The following PTPRM variants were observed in gnomAD, a reference collection of about 807,000 sequenced individuals.
PTPRM encodes protein tyrosine phosphatase receptor type M.
In PTPRM, 47 loss-of-function variants were observed where a neutral mutation model predicts 186.7. The observed-to-expected ratio is 0.25, with a 90% CI of 0.20 to 0.32. PTPRM has a LOEUF of 0.32. Among genes scored for constraint, PTPRM ranks in the 10% least tolerant of loss-of-function variants. PTPRM has a pLI of 1.00. For synonymous variants in PTPRM, 668 were observed against 674.9 expected (o/e 0.99, Z 0.16); for missense variants, 1,494 against 1,865.0 (o/e 0.80, Z 3.66).
intron 7 of PTPRM, among the ~76,000 whole-genome samples, chr18:8,030,715 A>C (rs888808560): frequency 6.6e-6 from 1 of 152,250 alleles, no homozygotes; most frequent in Non-Finnish European, 1.5e-5. Context: ...AACTTTACAG[A>C]TAATCCAATG....
At chr18:7,600,754 C>G (rs1302357253) in intron 1 of PTPRM, among the ~76,000 whole-genome samples, 1 of 152,172 alleles carries the variant, frequency 6.6e-6, no homozygotes, top group Non-Finnish European at 1.5e-5. Flanking sequence ...GCTCTTGCTG[C>G]CTGCACCGGT....
chr18:7,788,783 A>G (rs1035984959), intron 2 of PTPRM, among the ~76,000 whole-genome samples: 10 of 152,230 alleles, frequency 6.6e-5, no homozygotes, highest in Non-Finnish European at 1.2e-4. Context: ...AGAATTTGCT[A>G]ATATTTGAAA....
At chr18:7,958,704 TC>T (rs1273904091) in intron 7 of PTPRM, among the ~76,000 whole-genome samples, 7 of 152,224 alleles carry the variant, frequency 4.6e-5, no homozygotes, top group Non-Finnish European at 1.0e-4. Context: ...CATTTTTATT[TC>T]ATCCTTGTCT....
intron 2 of PTPRM, among the ~76,000 whole-genome samples, chr18:7,822,962 A>G (rs1343951455): frequency 1.3e-5 from 2 of 152,064 alleles, no homozygotes; most frequent in East Asian, 3.9e-4. Flanking sequence ...GCAGTGTAGG[A>G]TGTTCAGCAG....
chr18:7,894,322 C>G (rs1036216028), intron 3 of PTPRM, among the ~76,000 whole-genome samples: 8 of 152,104 alleles, frequency 5.3e-5, no homozygotes, highest in Admixed American at 5.2e-4. Context: ...CATGGTGGCT[C>G]ACGCCTGTAA....
rs188811131 is a variant in PTPRM, at chr18:8,262,270, C to G, written c.2754+8856C>G. ...GTCTTCCTACCTAGTCTTTCCCCTTCAAATCTGTTCCAGACTCTGCAACCA... is the reference window on the plus strand; with the variant it reads ...GTCTTCCTACCTAGTCTTTCCCCTTGAAATCTGTTCCAGACTCTGCAACCA... On this transcript the variant is annotated intron_variant, in intron 19 of 32. Transcript: ENST00000580170. Among the ~76,000 whole-genome samples, 336 of 152,300 alleles carry G rather than the reference C, an allele frequency of 2.2e-3. 3 individuals carry two copies. Among genetic ancestry groups the G allele is most frequent in the African/African-American group, 7.8e-3 (323 of 41,564 alleles).
chr18:8,305,340 A>T (rs980894220), intron 20 of PTPRM, among the ~76,000 whole-genome samples: 2 of 152,236 alleles, frequency 1.3e-5, no homozygotes, highest in African/African-American at 4.8e-5. Flanking sequence ...GATGAAAATG[A>T]TCAGGTCTTG....
intron 14 of PTPRM, among the ~76,000 whole-genome samples, chr18:8,193,500 T>C (rs2093735110): frequency 6.6e-6 from 1 of 152,166 alleles, no homozygotes; most frequent in Non-Finnish European, 1.5e-5. Flanking sequence ...AGCATAAGGG[T>C]TTTCTTCCCC....
intron 7 of PTPRM, among the ~76,000 whole-genome samples, chr18:8,036,806 G>T (rs1236017329): frequency 6.6e-6 from 1 of 152,194 alleles, no homozygotes; most frequent in East Asian, 1.9e-4. Flanking sequence ...CACATGTAAT[G>T]TGGGTATATC....
chr18:8,395,726 C>T (rs969055677), intron 32 of PTPRM, among the ~76,000 whole-genome samples: 5 of 152,148 alleles, frequency 3.3e-5, no homozygotes, highest in African/African-American at 9.7e-5. Context: ...GACTGTGCTC[C>T]CCAGACTCCT....
intron 20 of PTPRM, among the ~76,000 whole-genome samples, chr18:8,309,490 A>G (rs544005044): frequency 6.6e-6 from 1 of 152,168 alleles, no homozygotes; most frequent in Admixed American, 6.5e-5. Context: ...GGTGAAGATG[A>G]ATATAAGACA....
intron 20 of PTPRM, 78 bp downstream of exon 20, chr18:8,296,533 A>G (rs555467427): frequency 9.2e-7 from 1 of 1,085,466 alleles, no homozygotes; most frequent in African/African-American, 1.5e-5. Context: ...AGGCTCATAC[A>G]GAGGAAATTT....
chr18:8,240,826 GAAAGAA>G (rs1429904706), intron 14 of PTPRM, among the ~76,000 whole-genome samples: 13 of 24,026 alleles, frequency 5.4e-4, no homozygotes, highest in East Asian at 2.6e-3. Flanking sequence ...GAGAGAGAGA[GAAAGAA>G]AGAAAGAAAG....
intron 1 of PTPRM, among the ~76,000 whole-genome samples, chr18:7,648,781 T>G (rs2038626435): frequency 6.6e-6 from 1 of 152,156 alleles, no homozygotes; most frequent in Non-Finnish European, 1.5e-5. Context: ...AACATAAAAG[T>G]GCAAGGTGAA....
At chr18:7,574,875 CA>C (rs1240121070) in intron 1 of PTPRM, among the ~76,000 whole-genome samples, 1 of 152,018 alleles carries the variant, frequency 6.6e-6, no homozygotes, top group Non-Finnish European at 1.5e-5. Flanking sequence ...ACTAAAAATA[CA>C]AAAAAATTAG....
chr18:8,130,733 C>T (rs530290), intron 13 of PTPRM, among the ~76,000 whole-genome samples: 111,300 of 152,020 alleles, frequency 0.73, 41,261 homozygotes, highest in East Asian at 0.89. Flanking sequence ...ACTTAACAGT[C>T]CCCTAACTGT....
At chr18:8,129,305 A>G (rs990049832) in intron 13 of PTPRM, among the ~76,000 whole-genome samples, 1 of 152,214 alleles carries the variant, frequency 6.6e-6, no homozygotes, top group Non-Finnish European at 1.5e-5. Context: ...TTTTTTAAGT[A>G]TTTATCAAAG....
intron 22 of PTPRM, among the ~76,000 whole-genome samples, chr18:8,328,665 C>T (rs1448069526): frequency 3.3e-5 from 5 of 152,144 alleles, no homozygotes; most frequent in South Asian, 2.1e-4. Flanking sequence ...TATATACAGG[C>T]GAACAGTGAC....
intron 7 of PTPRM, among the ~76,000 whole-genome samples, chr18:8,067,901 A>G (rs1378568541): frequency 6.6e-6 from 1 of 152,136 alleles, no homozygotes; most frequent in Non-Finnish European, 1.5e-5. Flanking sequence ...AATTCATTGG[A>G]TCTTTATTAT....
Sources: allele counts gnomAD v4.1 joint callset (sites outside exome capture counted in the v4.1 genomes callset), GRCh38; gene constraint gnomAD v4.1.1; transcripts MANE v1.5; gene names NCBI Gene and HGNC (gene_info 2026-07-23, HGNC 2026-07-21).